The following CCT6A variants were observed in gnomAD, a reference collection of about 807,000 sequenced individuals.
CCT6A encodes chaperonin containing TCP1 subunit 6A, also known as T-complex protein 1 subunit zeta.
In CCT6A, 6 loss-of-function variants were observed where a neutral mutation model predicts 58.6. That is an observed-to-expected ratio of 0.10 (90% CI 0.06 to 0.20). The LOEUF is 0.20. CCT6A is among the 10% of genes least tolerant of loss of function. The pLI is 1.00. For synonymous variants in CCT6A, 245 were observed against 227.8 expected (o/e 1.08, Z -0.68); for missense variants, 516 against 648.8 (o/e 0.80, Z 2.22).
chr7:56,061,792 A>G lies in CCT6A; in HGVS notation c.1393A>G (p.Lys465Glu), dbSNP rs1336275775. Residue 465 changes from lysine (K) to glutamate (E), a missense_variant, in exon 12 of 14, where the codon AAA becomes GAA. Lys to Glu is a moderately conservative substitution (Grantham distance 56). Around this residue, in one of 3 missense-constraint regions of CCT6A, gnomAD observed 315 missense variants for 389.4 expected, o/e 0.81. Transcript: ENST00000275603. ...TTTTGACCTTCAGGAAACATTAGTT[A>G]AAATTCAAGCAGAACATTCAGAATC... ...SGFDLQETLVKIQAEHSESGQ... is the reference protein window; with the variant it reads ...SGFDLQETLVEIQAEHSESGQ... 6.2e-7 allele frequency: 1 copy of G among 1,607,484 alleles called. No homozygotes were observed. Among genetic ancestry groups the G allele is most frequent in the Non-Finnish European group, 8.5e-7 (1 of 1,177,338 alleles).
In CCT6A at chr7:56,059,054, C is replaced by G. The variant is rs1179361814; in HGVS notation, c.968+352C>G. On this transcript the variant is annotated intron_variant, in intron 8 of 13. Coordinates refer to ENST00000275603, the MANE Select transcript of CCT6A (RefSeq NM_001762.4). The stretch of plus-strand genomic sequence containing the variant: ...ATTTTTTGAGACAGTCTTGCTCTTT[C>G]GTGCAGTGGCATGATCTTGGTTCAT... The G allele has an allele frequency of 1.2e-5, 2 of 167,664 alleles. 1 individual carries two copies. Among genetic ancestry groups the G allele is most frequent in the East Asian group, 3.4e-4 (2 of 5,952 alleles). 10.4% of individuals were successfully genotyped at this position (167,664 alleles called of 1,614,324 possible).
chr7:56,059,904 G>T, intron 9 of CCT6A: 1 of 400,160 alleles, frequency 2.5e-6, no homozygotes. Flanking sequence ...TCATAATTGT[G>T]TTGCCCAGGC....
intron 3 of CCT6A, chr7:56,055,355 T>G: frequency 4.0e-6 from 2 of 495,846 alleles, no homozygotes; most frequent in Non-Finnish European, 7.4e-6. Flanking sequence ...TTGAAATGAT[T>G]CAGAGTGGTT....
In CCT6A at chr7:56,060,347, C is replaced by T. The variant is rs1261431486; in HGVS notation, c.1144C>T (p.His382Tyr). 1.9e-6 allele frequency: 3 copies of T among 1,613,854 alleles called. No individual in the cohort carries two copies. The highest frequency in any genetic ancestry group is 1.7e-6 in the Non-Finnish European group (2 of 1,179,772). The change falls in exon 10 of 14, where the codon CAC (histidine) becomes TAC (tyrosine). Residue 382 changes from histidine to tyrosine, a missense_variant. Physicochemically the swap from His to Tyr is moderately conservative, Grantham distance 83. This residue lies in a region of CCT6A where 315 missense variants were observed against 389.4 expected (regional missense o/e 0.81). Transcript: ENST00000275603. ...ATTATTGATCAAAGGACCAAATAAG[C>T]ACACACTCACTCAGATCAAAGATGC... ...VTLLIKGPNK[H>Y]TLTQIKDAVR... is the part of the protein sequence containing the mutation.
intron 5 of CCT6A, 150 bp downstream of exon 5, chr7:56,056,564 A>G: frequency 1.8e-6 from 1 of 552,994 alleles, no homozygotes; most frequent in South Asian, 2.1e-5. Context: ...CTCTATTAAA[A>G]TTACAAAAAT....
Position 56,061,795 on chromosome 7 carries a change from A to G in CCT6A, c.1396A>G (p.Ile466Val). ...GFDLQETLVK[I>V]QAEHSESGQL... ...TGACCTTCAGGAAACATTAGTTAAA[A>G]TTCAAGCAGAACATTCAGAATCAGG... Residue 466 changes from isoleucine to valine, a missense_variant, in exon 12 of 14, where the codon ATT becomes GTT. Around this residue, in one of 3 missense-constraint regions of CCT6A, gnomAD observed 315 missense variants for 389.4 expected, o/e 0.81. Coordinates refer to ENST00000275603, the MANE Select transcript of CCT6A (RefSeq NM_001762.4). The G allele has an allele frequency of 6.2e-7, 1 of 1,606,164 alleles. No homozygotes were observed. The highest frequency in any genetic ancestry group is 8.5e-7 in the Non-Finnish European group (1 of 1,177,152).
At chr7:56,062,659 T>A (rs367660114) in intron 12 of CCT6A, 24 bp from the exon 13 acceptor site, 3 of 1,602,310 alleles carry the variant, frequency 1.9e-6, no homozygotes, top group Non-Finnish European at 2.6e-6. Context: ...ACTGAACTTA[T>A]TTTAAGATTT....
intron 5 of CCT6A, among the ~76,000 whole-genome samples, chr7:56,057,289 AAGT>A (rs1308503707): frequency 6.6e-6 from 1 of 152,120 alleles, no homozygotes; most frequent in African/African-American, 2.4e-5. Context: ...GCATAATGAG[AAGT>A]AGTAGAGGAA....
At chr7:56,057,326 GAGTT>G (rs1449478977) in intron 5 of CCT6A, among the ~76,000 whole-genome samples, 6 of 151,804 alleles carry the variant, frequency 4.0e-5, no homozygotes, top group South Asian at 4.2e-4. Context: ...TTTTTTCAAA[GAGTT>G]AGTTAGAAAA....
At chr7:56,053,148 G>A (rs763493196) in intron 2 of CCT6A, among the ~76,000 whole-genome samples, 19 of 152,166 alleles carry the variant, frequency 1.2e-4, no homozygotes, top group Non-Finnish European at 2.1e-4. Context: ...TCCAACTGGA[G>A]GGGAGATAAA....
chr7:56,055,957 TTAAAA>T lies in CCT6A; in HGVS notation c.510+164_510+168del, dbSNP rs1265481163. 536 of 575,790 alleles carry T rather than the reference TTAAAA, an allele frequency of 9.3e-4. 4 individuals are homozygous for T. Among genetic ancestry groups the T allele is most frequent in the Non-Finnish European group, 1.6e-4 (53 of 334,346 alleles). 35.7% of individuals were successfully genotyped at this position (575,790 alleles called of 1,614,324 possible). Reference sequence around the variant, plus strand: ...ATCTGTGTCTCTAAAAATGAGGAAATTAAAATAATAGTATACCTAACCAGGTTATA... The same window carrying T: ...ATCTGTGTCTCTAAAAATGAGGAAATTAATAGTATACCTAACCAGGTTATA... On this transcript the variant is annotated intron_variant, in intron 4 of 13. Transcript: ENST00000275603.
intron 3 of CCT6A, among the ~76,000 whole-genome samples, chr7:56,054,926 C>T (rs1291947115): frequency 2.0e-5 from 3 of 152,166 alleles, no homozygotes; most frequent in Non-Finnish European, 2.9e-5. Flanking sequence ...AGAAAGAGAA[C>T]AGTCTTTATT....
intron 2 of CCT6A, 39 bp downstream of exon 2, chr7:56,052,524 T>C (rs1794162499): frequency 6.6e-7 from 1 of 1,516,930 alleles, no homozygotes. Flanking sequence ...AGGTCTTGAT[T>C]TTCCGTAGAA....
At chr7:56,056,288 CG>C (rs1562849584) in intron 4 of CCT6A, 22 bp from the exon 5 acceptor site, 1 of 1,201,364 alleles carries the variant, frequency 8.3e-7, no homozygotes, top group Non-Finnish European at 1.2e-6. Flanking sequence ...ATTTACTTAA[CG>C]GTTATGCTCC....
In CCT6A at chr7:56,054,301, A is replaced by G. The variant is rs1177104390; in HGVS notation, c.202-68A>G. ...TAGCACTCAAAGAGGCCCTTCCTGC[A>G]TTTTGTCTGTGGTATATTTAGACTG... On this transcript the variant is annotated intron_variant, in intron 2 of 13. Coordinates refer to ENST00000275603, the MANE Select transcript of CCT6A (RefSeq NM_001762.4). 4 of 1,378,176 alleles carry G rather than the reference A, an allele frequency of 2.9e-6. No individual in the cohort carries two copies. In the East Asian group the frequency reaches 9.3e-5, roughly 32 times the overall value. 85.4% of individuals were successfully genotyped at this position (1,378,176 alleles called of 1,614,324 possible).
chr7:56,063,096 C>G lies in CCT6A; in HGVS notation c.*11C>G. 1 of 1,564,498 alleles carries G rather than the reference C, an allele frequency of 6.4e-7. No homozygotes were observed. On this transcript the variant is annotated 3_prime_UTR_variant, in exon 14 of 14. Transcript: ENST00000275603. ...TCTCTGAAAGGTTGAATTGAAGCTT[C>G]CTCTGTATCTGAATCTTGAAGACTG... is the stretch of plus-strand genomic sequence containing the variant.
intron 9 of CCT6A, 99 bp downstream of exon 9, chr7:56,059,739 A>G: frequency 1.5e-6 from 1 of 660,452 alleles, no homozygotes; most frequent in Non-Finnish European, 2.7e-6. Context: ...CCCGGGCTGG[A>G]GTGCAGTGGT....
intron 7 of CCT6A, 21 bp downstream of exon 7, chr7:56,058,542 T>A: frequency 6.3e-7 from 1 of 1,583,898 alleles, no homozygotes; most frequent in South Asian, 1.1e-5. Context: ...AAACTCAATG[T>A]ATAAACTAAA....
At chr7:56,055,501 T>C in intron 3 of CCT6A, 123 bp from the exon 4 acceptor site, 2 of 817,796 alleles carry the variant, frequency 2.4e-6, no homozygotes. Flanking sequence ...GCCAGCACAT[T>C]ATATTACCTC....
Sources: gnomAD v4.1 joint callset for allele counts (sites outside exome capture counted in the v4.1 genomes callset) on GRCh38, gnomAD v4.1.1 for gene constraint, gnomAD v4.1.1 regional missense constraint, MANE v1.5 for transcripts, NCBI Gene and HGNC (gene_info 2026-07-23, HGNC 2026-07-21) for gene names.